The following AMPH variants were observed in gnomAD, a reference collection of about 807,000 sequenced individuals.
The protein encoded by AMPH is amphiphysin.
Under a neutral mutation model 99.1 loss-of-function variants are expected in AMPH, and 49 were observed. The observed-to-expected ratio is 0.49, with a 90% confidence interval of 0.39 to 0.63. The LOEUF (loss-of-function observed/expected upper bound fraction) is 0.63, where lower values mean the gene tolerates loss of function less well. AMPH is among the 20% of genes least tolerant of loss of function. The pLI is 0.00. For synonymous variants in AMPH, 314 were observed against 317.3 expected, an observed-to-expected ratio of 0.99 and a Z score of 0.11; for missense variants, 759 against 863.4, an observed-to-expected ratio of 0.88 and a Z score of 1.52.
intron 1 of AMPH, among the ~76,000 whole-genome samples, chr7:38,578,660 T>C (rs1197769537): frequency 1.3e-5 from 2 of 152,086 alleles, no homozygotes; most frequent in Admixed American, 1.3e-4. Context: ...TCCTAGCTAC[T>C]TGGGAGGCTA....
chr7:38,599,616 C>T (rs922320123), intron 1 of AMPH, among the ~76,000 whole-genome samples: 2 of 151,854 alleles, frequency 1.3e-5, no homozygotes, highest in Admixed American at 6.6e-5. Flanking sequence ...TACTGCATTG[C>T]GGGGTTGGCA....
intron 14 of AMPH, 128 bp downstream of exon 14, chr7:38,429,714 C>A: frequency 7.7e-7 from 1 of 1,302,402 alleles, no homozygotes; most frequent in Non-Finnish European, 1.1e-6. Context: ...TGATTACATT[C>A]ATTGGCTTAA....
At chr7:38,491,416 G>T (rs1334224358) in intron 4 of AMPH, among the ~76,000 whole-genome samples, 1 of 152,120 alleles carries the variant, frequency 6.6e-6, no homozygotes, top group Non-Finnish European at 1.5e-5. Flanking sequence ...AACTTCAAAA[G>T]ATCCCCATAA....
rs1562834529 is a variant in AMPH, at chr7:38,571,021, TC to T, written c.70-36011del. On this transcript the variant is annotated intron_variant, in intron 1 of 20. Coordinates refer to ENST00000356264, the MANE Select transcript of AMPH (RefSeq NM_001635.4). ...ATTCATATATATAGAATATATATAT[TC>T]ATATATTGAATATATATAGAATATA... Among the ~76,000 whole-genome samples, 10 of 13,956 alleles carry T rather than the reference TC, an allele frequency of 7.2e-4. 1 individual carries two copies. Among genetic ancestry groups the T allele is most frequent in the African/African-American group, 2.6e-3 (10 of 3,862 alleles). The allele number at this position is 13,956 out of a possible 152,430, so 9.2% of individuals were successfully genotyped here. A position where few individuals can be genotyped will look rare whatever the true frequency, so the allele number is the denominator to read the frequency against.
chr7:38,616,115 T>C (rs1793862224), intron 1 of AMPH, among the ~76,000 whole-genome samples: 1 of 152,116 alleles, frequency 6.6e-6, no homozygotes, highest in South Asian at 2.1e-4. Flanking sequence ...CCCCCAATCA[T>C]CTACACAGAC....
chr7:38,557,268 G>T (rs1269738015), intron 1 of AMPH, among the ~76,000 whole-genome samples: 1 of 152,196 alleles, frequency 6.6e-6, no homozygotes, highest in Non-Finnish European at 1.5e-5. Flanking sequence ...ACAGCCATGG[G>T]TATAGTAGTT....
Position 38,526,806 on chromosome 7 carries a change from G to A in AMPH, c.150+8125C>T, listed in dbSNP as rs1433030627. 2.6e-5 allele frequency among the ~76,000 whole-genome samples: 4 copies of A among 151,940 alleles called. No homozygotes were observed. The East Asian group carries it at 7.7e-4, about 29-fold the overall frequency. ...TTATCACATTTTCCTCTTTTGTATT[G>A]TGCTTTTGGTAGCAAATCTAAGAAC... is the stretch of plus-strand genomic sequence containing the variant. On this transcript the variant is annotated intron_variant, in intron 2 of 20. Coordinates refer to ENST00000356264, the MANE Select transcript of AMPH (RefSeq NM_001635.4).
At chr7:38,532,740 GAA>G (rs34900203) in intron 2 of AMPH, among the ~76,000 whole-genome samples, 3 of 132,474 alleles carry the variant, frequency 2.3e-5, no homozygotes, top group South Asian at 2.4e-4. Context: ...AGAAAGCTGG[GAA>G]AAAAAAAAAA....
chr7:38,409,209 G>A (rs1394861281), intron 17 of AMPH, among the ~76,000 whole-genome samples: 1 of 152,206 alleles, frequency 6.6e-6, no homozygotes, highest in African/African-American at 2.4e-5. Context: ...GGGAATTCTG[G>A]CTGCAGGGCA....
chr7:38,555,107 C>A (rs1456551017), intron 1 of AMPH, among the ~76,000 whole-genome samples: 1 of 152,142 alleles, frequency 6.6e-6, no homozygotes, highest in Non-Finnish European at 1.5e-5. Flanking sequence ...GGTCCACAGT[C>A]CCATGTCAGG....
chr7:38,444,129 T>C (rs1271208517), intron 11 of AMPH, among the ~76,000 whole-genome samples: 3 of 152,156 alleles, frequency 2.0e-5, no homozygotes, highest in Non-Finnish European at 4.4e-5. Context: ...AAAAGATGTA[T>C]AATGTCTGTA....
At chr7:38,529,511 T>G (rs527632603) in intron 2 of AMPH, among the ~76,000 whole-genome samples, 1 of 152,340 alleles carries the variant, frequency 6.6e-6, no homozygotes. Flanking sequence ...TACCATCACC[T>G]TCCAGGTAAC....
chr7:38,477,599 T>G (rs1335404664), intron 5 of AMPH, among the ~76,000 whole-genome samples: 2 of 152,186 alleles, frequency 1.3e-5, no homozygotes, highest in African/African-American at 4.8e-5. Flanking sequence ...GAACAAGACA[T>G]TCCCTTGCAG....
intron 7 of AMPH, 59 bp from the exon 8 acceptor site, chr7:38,466,307 T>G: frequency 1.5e-6 from 2 of 1,321,322 alleles, no homozygotes; most frequent in Non-Finnish European, 2.1e-6. Context: ...TCAGTAAAAA[T>G]AATTTTAATA....
At chr7:38,480,419 T>A (rs549138602) in intron 5 of AMPH, among the ~76,000 whole-genome samples, 1 of 152,064 alleles carries the variant, frequency 6.6e-6, no homozygotes, top group Admixed American at 6.6e-5. Flanking sequence ...TCCAATCTCA[T>A]CCCTGCTTCT....
At chr7:38,618,921 T>C (rs1055764087) in intron 1 of AMPH, among the ~76,000 whole-genome samples, 1 of 152,174 alleles carries the variant, frequency 6.6e-6, no homozygotes, top group African/African-American at 2.4e-5. Flanking sequence ...ATACTCCAAT[T>C]AAAAGGCAGA....
chr7:38,405,596 CA>C (rs1202362155), intron 17 of AMPH, among the ~76,000 whole-genome samples: 2 of 151,952 alleles, frequency 1.3e-5, no homozygotes, highest in Non-Finnish European at 1.5e-5. Flanking sequence ...ATTAAAAAGA[CA>C]AAGACAGCAT....
intron 1 of AMPH, among the ~76,000 whole-genome samples, chr7:38,572,677 G>A (rs1347116315): frequency 6.6e-6 from 1 of 152,148 alleles, no homozygotes; most frequent in Non-Finnish European, 1.5e-5. Context: ...GGAAGCTGCT[G>A]GTAAAGCAGC....
intron 15 of AMPH, among the ~76,000 whole-genome samples, chr7:38,423,208 T>C (rs1466908680): frequency 1.3e-5 from 2 of 152,242 alleles, no homozygotes; most frequent in Admixed American, 6.5e-5. Context: ...GTTCCTTCTA[T>C]GGGTTATGTA....
Sources: allele counts gnomAD v4.1 joint callset (sites outside exome capture counted in the v4.1 genomes callset), GRCh38; gene constraint gnomAD v4.1.1; transcripts MANE v1.5; gene names NCBI Gene and HGNC (gene_info 2026-07-23, HGNC 2026-07-21).